SLC9A9: variants seen among roughly 807,000 people sequenced by gnomAD.
SLC9A9 encodes solute carrier family 9 member A9.
Under a neutral mutation model 77.8 loss-of-function variants are expected in SLC9A9, and 62 were observed. The ratio of observed to expected loss-of-function variants is 0.80; its 90% CI spans 0.65 to 0.98. SLC9A9 has a LOEUF of 0.98. Among genes scored for constraint, SLC9A9 ranks in the 50% least tolerant of loss-of-function variants. The pLI is 0.00. For synonymous variants in SLC9A9, 320 were observed against 283.5 expected, an observed-to-expected ratio of 1.13 and a Z score of -1.29; for missense variants, 775 against 774.9, an observed-to-expected ratio of 1.00 and a Z score of 0.00.
chr3:143,518,491 T>C (rs2036241495), intron 9 of SLC9A9, among the ~76,000 whole-genome samples: 1 of 152,258 alleles, frequency 6.6e-6, no homozygotes, highest in Non-Finnish European at 1.5e-5. Flanking sequence ...TTTACTCCTC[T>C]GGGATTCCAT....
intron 6 of SLC9A9, among the ~76,000 whole-genome samples, chr3:143,625,820 G>C (rs1256884256): frequency 1.3e-5 from 2 of 152,164 alleles, no homozygotes; most frequent in Non-Finnish European, 2.9e-5. Flanking sequence ...CCATCAGAGT[G>C]AACAGGCAAC....
At chr3:143,506,389 T>C (rs1227000676) in intron 9 of SLC9A9, among the ~76,000 whole-genome samples, 2 of 152,210 alleles carry the variant, frequency 1.3e-5, no homozygotes, top group Non-Finnish European at 2.9e-5. Context: ...CTGTTAGAAA[T>C]CCTTCCTTAT....
intron 14 of SLC9A9, among the ~76,000 whole-genome samples, chr3:143,322,016 G>A (rs2031438575): frequency 6.6e-6 from 1 of 152,172 alleles, no homozygotes; most frequent in Non-Finnish European, 1.5e-5. Context: ...AAGCCACTTG[G>A]CCCTTCCAAT....
intron 4 of SLC9A9, among the ~76,000 whole-genome samples, chr3:143,778,285 A>G (rs772799565): frequency 6.6e-6 from 1 of 152,122 alleles, no homozygotes; most frequent in Non-Finnish European, 1.5e-5. Context: ...TTATGGCAAG[A>G]CTGTAACAAA....
chr3:143,829,792 G>C (rs980673553), intron 2 of SLC9A9, among the ~76,000 whole-genome samples: 1 of 152,182 alleles, frequency 6.6e-6, no homozygotes, highest in African/African-American at 2.4e-5. Flanking sequence ...AATAGTACTA[G>C]TAGTAGTAGT....
rs147160124 is a variant in SLC9A9, at chr3:143,360,402, C to T, written c.1604+3082G>A. ...TGAATCATAATGAACCTTAATTAAT[C>T]ATCAGTTTTGGCATCATAGGCTTCT... On this transcript the variant is annotated intron_variant, in intron 14 of 15. Coordinates refer to ENST00000316549, the MANE Select transcript of SLC9A9 (RefSeq NM_173653.4). 3.0e-3 allele frequency among the ~76,000 whole-genome samples: 464 copies of T among 152,242 alleles called. 1 individual carries two copies. The highest frequency in any genetic ancestry group is 0.01 in the Middle Eastern group (3 of 294).
chr3:143,844,205 G>A (rs1373676980), intron 1 of SLC9A9, among the ~76,000 whole-genome samples: 2 of 152,126 alleles, frequency 1.3e-5, no homozygotes, highest in Non-Finnish European at 2.9e-5. Flanking sequence ...TTAGCAACTT[G>A]AAAATTATTT....
intron 9 of SLC9A9, chr3:143,518,233 A>C: frequency 6.3e-7 from 1 of 1,594,310 alleles, no homozygotes; most frequent in Non-Finnish European, 8.5e-7. Context: ...GGTCCATGGC[A>C]GGGAGGTGGT....
In SLC9A9 at chr3:143,557,361, A is replaced by T. The variant is rs569061906; in HGVS notation, c.1001-4911T>A. ...TAGCAATGTGAGAATGGACTAATACAGTAAATTGGCACCGAGTGGGGTGGG... is the reference window on the plus strand; with the variant it reads ...TAGCAATGTGAGAATGGACTAATACTGTAAATTGGCACCGAGTGGGGTGGG... On this transcript the variant is annotated intron_variant, in intron 8 of 15. Coordinates refer to ENST00000316549, the MANE Select transcript of SLC9A9 (RefSeq NM_173653.4). Among the ~76,000 whole-genome samples, 4 of 152,306 alleles carry T rather than the reference A, an allele frequency of 2.6e-5. No homozygotes were observed. In the South Asian group the frequency reaches 8.3e-4, roughly 32 times the overall value.
At chr3:143,278,106 T>A (rs1241885384) in intron 14 of SLC9A9, among the ~76,000 whole-genome samples, 1 of 152,166 alleles carries the variant, frequency 6.6e-6, no homozygotes, top group East Asian at 1.9e-4. Context: ...CATGAACTCA[T>A]GGGCAAGGAT....
chr3:143,461,874 T>A (rs1392320281), intron 12 of SLC9A9, among the ~76,000 whole-genome samples: 1 of 152,188 alleles, frequency 6.6e-6, no homozygotes, highest in Non-Finnish European at 1.5e-5. Context: ...GAAGTCTGTA[T>A]GGAAGCAGAT....
At chr3:143,353,206 C>T (rs1444344316) in intron 14 of SLC9A9, among the ~76,000 whole-genome samples, 2 of 152,214 alleles carry the variant, frequency 1.3e-5, no homozygotes, top group Non-Finnish European at 2.9e-5. Context: ...GGCTTCCTGG[C>T]TTCTCCAAAG....
chr3:143,329,535 G>A (rs2031702226), intron 14 of SLC9A9, among the ~76,000 whole-genome samples: 2 of 152,136 alleles, frequency 1.3e-5, no homozygotes, highest in Non-Finnish European at 2.9e-5. Flanking sequence ...TGGGCTGCCC[G>A]ACTCTGCCAT....
intron 4 of SLC9A9, among the ~76,000 whole-genome samples, chr3:143,715,310 C>T (rs376757135): frequency 5.3e-5 from 8 of 152,294 alleles, no homozygotes; most frequent in African/African-American, 1.9e-4. Context: ...TTCCAGGTTT[C>T]TAATAATGAC....
At chr3:143,563,806 A>G (rs944409959) in intron 8 of SLC9A9, among the ~76,000 whole-genome samples, 12 of 152,188 alleles carry the variant, frequency 7.9e-5, no homozygotes, top group African/African-American at 2.9e-4. Context: ...AGCACCTTCC[A>G]ATTATAAATG....
intron 2 of SLC9A9, among the ~76,000 whole-genome samples, 192 bp downstream of exon 2, chr3:143,831,827 C>T (rs2009442446): frequency 6.6e-6 from 1 of 151,896 alleles, no homozygotes; most frequent in Admixed American, 6.6e-5. Flanking sequence ...AAAAAAAATA[C>T]AGGCAACTCA....
intron 9 of SLC9A9, among the ~76,000 whole-genome samples, chr3:143,512,138 A>T (rs2036126416): frequency 6.6e-6 from 1 of 152,242 alleles, no homozygotes; most frequent in African/African-American, 2.4e-5. Flanking sequence ...ATAATGCTCC[A>T]TAAATATCTG....
intron 2 of SLC9A9, among the ~76,000 whole-genome samples, chr3:143,830,889 C>T (rs2009419008): frequency 6.6e-6 from 1 of 152,016 alleles, no homozygotes; most frequent in Non-Finnish European, 1.5e-5. Flanking sequence ...AATACATTAT[C>T]TAATTTGCTT....
intron 9 of SLC9A9, among the ~76,000 whole-genome samples, chr3:143,519,112 C>T (rs960595688): frequency 1.3e-5 from 2 of 152,090 alleles, no homozygotes; most frequent in Non-Finnish European, 1.5e-5. Context: ...GAAAACCTGC[C>T]TTTTTGGAAC....
Sources: gnomAD v4.1 joint callset for allele counts (sites outside exome capture counted in the v4.1 genomes callset) on GRCh38, gnomAD v4.1.1 for gene constraint, MANE v1.5 for transcripts, NCBI Gene and HGNC (gene_info 2026-07-23, HGNC 2026-07-21) for gene names.